The following PEAR1 variants were observed in gnomAD, a reference collection of about 807,000 sequenced individuals.
PEAR1 encodes multiple EGF-like domains protein 12.
PEAR1 carries 113 observed loss-of-function variants against 131.2 expected under a neutral mutation model. That is an observed-to-expected ratio of 0.86 (90% CI 0.74 to 1.01). PEAR1 has a LOEUF of 1.01. PEAR1 is among the 50% of genes least tolerant of loss of function. The probability of loss-of-function intolerance (pLI) is 0.00; values close to 1 mark genes in which losing one functional copy is unlikely to be tolerated. For missense variants in PEAR1, 1,408 were observed against 1,391.1 expected (o/e 1.01, Z -0.19); for synonymous variants, 565 against 523.3 (o/e 1.08, Z -1.09).
At chr1:156,912,026 C>T (rs917184001) in intron 15 of PEAR1, among the ~76,000 whole-genome samples, 1 of 152,146 alleles carries the variant, frequency 6.6e-6, no homozygotes, top group African/African-American at 2.4e-5. Context: ...TAGTCAAGTG[C>T]AGATGTTGAG....
chr1:156,906,574 G>A, intron 5 of PEAR1, 63 bp from the exon 6 acceptor site: 1 of 1,597,260 alleles, frequency 6.3e-7, no homozygotes, highest in Non-Finnish European at 8.5e-7. Flanking sequence ...GGGAGACAGA[G>A]ACGGGGAGGC....
intron 1 of PEAR1, among the ~76,000 whole-genome samples, chr1:156,895,821 C>T (rs375482727): frequency 3.9e-5 from 6 of 152,324 alleles, no homozygotes; most frequent in East Asian, 3.9e-4. Context: ...TGGCTCACGC[C>T]GGTAATCCCA....
Position 156,908,233 on chromosome 1 carries a change from C to T in PEAR1, c.1008C>T (p.Cys336=), listed in dbSNP as rs772007055. ...RCFPANGACL[C]EHGFTGDRCT... is the part of the protein sequence containing the mutation. ...TCCCGGCCAACGGCGCATGTCTGTGCGAACACGGCTTCACTGGGGACCGCT... is the reference window on the plus strand; with the variant it reads ...TCCCGGCCAACGGCGCATGTCTGTGTGAACACGGCTTCACTGGGGACCGCT... The change falls in exon 9 of 23, where the codon TGC becomes TGT. Residue 336 remains cysteine (C), a synonymous_variant. Transcript: ENST00000292357. This position sits in a 1 kb window ranked among gnomAD's most constrained non-coding sequence, Gnocchi z 4.2. 2.7e-5 allele frequency: 43 copies of T among 1,600,828 alleles called. No homozygotes were observed. The highest frequency in any genetic ancestry group is 1.1e-4 in the South Asian group (10 of 89,686).
rs371995525 is a variant in PEAR1, at chr1:156,907,031, G to T, written c.644+151G>T. 9.7e-4 allele frequency: 1,171 copies of T among 1,206,346 alleles called. 20 individuals carry two copies. The South Asian group carries it at 0.016, about 17-fold the overall frequency. The allele number at this position is 1,206,346 out of a possible 1,614,324, so 74.7% of individuals were successfully genotyped here. The stretch of plus-strand genomic sequence containing the variant: ...GGTCCCAGTGGATCCTATTCCTCAC[G>T]AGTGGAGTGACCTTGAGCAAATCAT... On this transcript the variant is annotated intron_variant, in intron 6 of 22. Coordinates refer to ENST00000292357, the MANE Select transcript of PEAR1 (RefSeq NM_001080471.3).
rs540865325 is a variant in PEAR1, at chr1:156,905,088, G to C, written c.206+236G>C. ...CAGTATATGCCTGTGGGGTTGGGGG[G>C]GGGGCAAGAAGGGAATGCTCTTTCT... On this transcript the variant is annotated intron_variant, in intron 3 of 22. Coordinates refer to ENST00000292357, the MANE Select transcript of PEAR1 (RefSeq NM_001080471.3). 89 of 1,348,170 alleles carry C rather than the reference G, an allele frequency of 6.6e-5. 2 individuals are homozygous for C. The highest frequency in any genetic ancestry group is 2.7e-4 in the South Asian group (21 of 78,998). 83.5% of individuals were successfully genotyped at this position (1,348,170 alleles called of 1,614,324 possible).
At chr1:156,896,112 T>C (rs1649135672) in intron 1 of PEAR1, among the ~76,000 whole-genome samples, 1 of 152,126 alleles carries the variant, frequency 6.6e-6, no homozygotes, top group Non-Finnish European at 1.5e-5. Context: ...AGCACAGGCT[T>C]TGGAATGACA....
Position 156,905,333 on chromosome 1 carries a change from C to A in PEAR1, c.216C>A (p.Tyr72Ter). 6.2e-7 allele frequency: 1 copy of A among 1,611,864 alleles called. No homozygotes were observed. Among genetic ancestry groups the A allele is most frequent in the Non-Finnish European group, 8.5e-7 (1 of 1,179,612 alleles). Residue 72 changes from tyrosine (Y) to a stop codon, truncating the protein, a stop_gained, in exon 4 of 23, where the codon TAC becomes TAA. Coordinates refer to ENST00000292357, the MANE Select transcript of PEAR1 (RefSeq NM_001080471.3). LOFTEE classifies it high-confidence loss of function. ...PHTCPQPTVVYRTVYRQVVKT... is the reference protein window; with the variant it reads ...PHTCPQPTVV ...TTCCTGGCCTCCGCAGGGTTGTATA[C>A]CGGACCGTGTACCGTCAGGTGGTGA... is the stretch of plus-strand genomic sequence containing the variant.
At chr1:156,910,529 G>A (rs1006584122) in intron 14 of PEAR1, 89 bp from the exon 15 acceptor site, 1 of 1,570,168 alleles carries the variant, frequency 6.4e-7, no homozygotes, top group Non-Finnish European at 8.6e-7. Flanking sequence ...ACTAGTTACT[G>A]CAGTGGGAAG....
chr1:156,909,914 G>A lies in PEAR1; in HGVS notation c.1575G>A (p.Pro525=), dbSNP rs1354872431. The A allele has an allele frequency of 5.0e-6, 8 of 1,609,080 alleles. No individual in the cohort carries two copies. Among genetic ancestry groups the A allele is most frequent in the East Asian group, 2.2e-5 (1 of 44,804 alleles). Reference sequence around the variant, plus strand: ...GGGCCCACTGCCAGCTGCCCTGTCCGGTGAGTGCTGGACAGCCTGTCTGCC... The same window carrying A: ...GGGCCCACTGCCAGCTGCCCTGTCCAGTGAGTGCTGGACAGCCTGTCTGCC... ...WHGAHCQLPC[P]KGQFGEGCAS... Residue 525 remains proline, a splice_region_variant and synonymous_variant, in exon 12 of 23, where the codon CCG becomes CCA. Transcript: ENST00000292357.
Position 156,908,400 on chromosome 1 carries a change from G to A in PEAR1, c.1115+60G>A. On this transcript the variant is annotated intron_variant, in intron 9 of 22. Transcript: ENST00000292357. This position sits in a 1 kb window ranked among gnomAD's most constrained non-coding sequence, Gnocchi z 4.2. ...GGCCAATGGGGAGGTCTTCCTGGCC[G>A]AAGTCACCACAGAGCCAGGGCCATA... 6.9e-7 allele frequency: 1 copy of A among 1,444,614 alleles called. No homozygotes were observed. Among genetic ancestry groups the A allele is most frequent in the Non-Finnish European group, 9.1e-7 (1 of 1,093,786 alleles). The allele number at this position is 1,444,614 out of a possible 1,614,324, so 89.5% of individuals were successfully genotyped here. A position where few individuals can be genotyped will look rare whatever the true frequency, so the allele number is the denominator to read the frequency against.
chr1:156,903,167 T>C (rs965595965), intron 1 of PEAR1, among the ~76,000 whole-genome samples: 1 of 152,144 alleles, frequency 6.6e-6, no homozygotes, highest in Non-Finnish European at 1.5e-5. Flanking sequence ...ATTGGCTCTC[T>C]GGGCCCGTAT....
chr1:156,907,276 G>C (rs919962520), intron 6 of PEAR1, among the ~76,000 whole-genome samples: 8 of 152,210 alleles, frequency 5.3e-5, no homozygotes, highest in African/African-American at 1.9e-4. Flanking sequence ...TCAAGATCAC[G>C]CTTTGTGGAG....
intron 5 of PEAR1, 106 bp from the exon 6 acceptor site, chr1:156,906,531 G>C (rs770125053): frequency 7.7e-6 from 12 of 1,558,940 alleles, no homozygotes; most frequent in Non-Finnish European, 1.0e-5. Context: ...GTGGAAGACA[G>C]GGTGGGCCTG....
At chr1:156,913,822 T>G in intron 21 of PEAR1, 30 bp from the exon 22 acceptor site, 1 of 1,610,820 alleles carries the variant, frequency 6.2e-7, no homozygotes, top group Non-Finnish European at 8.5e-7. Flanking sequence ...AGTGCCTCCA[T>G]GCGGCCTGAC....
At position 156,906,385 on chromosome 1, in the gene PEAR1, C is replaced by T. The variant is rs748474219; in HGVS notation, c.400+17C>T. On this transcript the variant is annotated intron_variant, in intron 5 of 22. Coordinates refer to ENST00000292357, the MANE Select transcript of PEAR1 (RefSeq NM_001080471.3). ...GTTCCAGTGGTGAGTGGCTACTGAC[C>T]CCAGGGAGTGGCCTCTTGTGCCTTC... 1 of 1,613,014 alleles carries T rather than the reference C, an allele frequency of 6.2e-7. No homozygotes were observed. Among genetic ancestry groups the T allele is most frequent in the East Asian group, 2.2e-5 (1 of 44,882 alleles).
chr1:156,909,883 G>A lies in PEAR1; in HGVS notation c.1544G>A (p.Trp515Ter). The change falls in exon 12 of 23, where the codon TGG (tryptophan) becomes TAG (stop). Residue 515 changes from tryptophan (W) to a stop codon, truncating the protein, a stop_gained. Coordinates refer to ENST00000292357, the MANE Select transcript of PEAR1 (RefSeq NM_001080471.3). LOFTEE classifies it high-confidence loss of function. ...QTGACTCTPG[W>*]HGAHCQLPCP... The stretch of plus-strand genomic sequence containing the variant: ...GGAGCCTGTACCTGCACCCCTGGGT[G>A]GCATGGGGCCCACTGCCAGCTGCCC... 4 of 1,609,496 alleles carry A rather than the reference G, an allele frequency of 2.5e-6. No individual in the cohort carries two copies. The highest frequency in any genetic ancestry group is 3.4e-6 in the Non-Finnish European group (4 of 1,176,514).
At chr1:156,898,488 C>G (rs2102964081) in intron 1 of PEAR1, among the ~76,000 whole-genome samples, 1 of 152,284 alleles carries the variant, frequency 6.6e-6, no homozygotes, top group East Asian at 1.9e-4. Context: ...GTGCTCTGTG[C>G]TTCAGTGTGC....
rs1952294 is a variant in PEAR1, at chr1:156,907,665, T to C, written c.700T>C (p.Ser234Pro). ...TSGFFCPSTH[S>P]CQNGGVFQTP... ...TGGCTTCTTCTGCCCCAGCACCCAT[T>C]CTTGCCAAAATGGAGGTGTCTTCCA... The change falls in exon 7 of 23, where the codon TCT becomes CCT. Residue 234 changes from serine to proline, a missense_variant. Ser to Pro is a moderately conservative substitution (Grantham distance 74). Coordinates refer to ENST00000292357, the MANE Select transcript of PEAR1 (RefSeq NM_001080471.3). 1,608,190 of 1,614,012 alleles carry C rather than the reference T, an allele frequency of 1. 801,403 individuals carry two copies. The highest frequency in any genetic ancestry group is 1 in the East Asian group (44,864 of 44,864).
Position 156,910,268 on chromosome 1 carries a change from A to C in PEAR1, c.1713A>C (p.Leu571Phe). The stretch of plus-strand genomic sequence containing the variant: ...GCCACCTGTCCTGCCCTGAGGGCTT[A>C]TGGGGAGTCAACTGTAGCAACACCT... ...ARCHLSCPEGLWGVNCSNTCT... is the reference protein window; with the variant it reads ...ARCHLSCPEGFWGVNCSNTCT... Residue 571 changes from leucine (L) to phenylalanine (F), a missense_variant, in exon 14 of 23, where the codon TTA becomes TTC. Leu to Phe is a conservative substitution (Grantham distance 22). Coordinates refer to ENST00000292357, the MANE Select transcript of PEAR1 (RefSeq NM_001080471.3). 6.2e-7 allele frequency: 1 copy of C among 1,613,266 alleles called. No homozygotes were observed. The highest frequency in any genetic ancestry group is 1.1e-5 in the South Asian group (1 of 90,944).
Sources: allele counts gnomAD v4.1 joint callset (sites outside exome capture counted in the v4.1 genomes callset), GRCh38; gene constraint gnomAD v4.1.1; non-coding constraint Gnocchi (gnomAD v3.1); transcripts MANE v1.5; gene names NCBI Gene and HGNC (gene_info 2026-07-23, HGNC 2026-07-21).